Variants in SLITRK6 observed in about 807,000 individuals in gnomAD.
The protein encoded by SLITRK6 is SLIT and NTRK like family member 6, also known as SLIT and NTRK-like protein 6.
In SLITRK6, 35 loss-of-function variants were observed where a neutral mutation model predicts 55.6. The ratio of observed to expected loss-of-function variants is 0.63; its 90% confidence interval spans 0.48 to 0.83. The LOEUF is 0.83. Ranked by LOEUF, SLITRK6 falls within the 40% of genes least tolerant of loss-of-function variation. The pLI, the probability that SLITRK6 is intolerant of heterozygous loss-of-function variation, is 0.00. For missense variants in SLITRK6, 977 were observed against 986.4 expected (o/e 0.99, Z 0.13); for synonymous variants, 392 against 359.6 (o/e 1.09, Z -1.02).
In SLITRK6 at chr13:85,794,963, C is replaced by T. The variant is rs1593962037; in HGVS notation, c.1546G>A (p.Asp516Asn). 1.9e-6 allele frequency: 3 copies of T among 1,613,050 alleles called. No homozygotes were observed. The highest frequency in any genetic ancestry group is 1.7e-4 in the Middle Eastern group (1 of 6,058). Residue 516 changes from aspartate (D) to asparagine (N), a missense_variant, in exon 2 of 2, where the codon GAT (aspartate) becomes AAT (asparagine). Transcript: ENST00000647374. ...LDLLTQIDLEDNPWDCSCDLV... is the reference protein window; with the variant it reads ...LDLLTQIDLENNPWDCSCDLV... ...TCACAGGAGCAGTCCCAGGGGTTAT[C>T]CTCAAGGTCAATCTGGGTTAGCAAA...
Position 85,793,124 on chromosome 13 carries a change from A to G in SLITRK6, c.*859T>C, listed in dbSNP as rs1420142969. 2 of 152,298 alleles carry G rather than the reference A, an allele frequency of 1.3e-5. No homozygotes were observed. The highest frequency in any genetic ancestry group is 2.9e-5 in the Non-Finnish European group (2 of 67,898). 9.4% of individuals were successfully genotyped at this position (152,298 alleles called of 1,614,324 possible). A position where few individuals can be genotyped will look rare whatever the true frequency, so the allele number is the denominator to read the frequency against. ...TTATGGTCATTCAGATTTACAAAGA[A>G]TTAAGCCTATGAAATAAAGCAAACC... On this transcript the variant is annotated 3_prime_UTR_variant, in exon 2 of 2. Coordinates refer to ENST00000647374, the MANE Select transcript of SLITRK6 (RefSeq NM_032229.3).
rs1294441766 is a variant in SLITRK6, at chr13:85,793,848, TTC to T, written c.*133_*134del. ...GTGATCCCTGAGTTTCTTTTTCTTC[TTC>T]TTTTTTTTTCCCCATAGTTTACTGC... On this transcript the variant is annotated 3_prime_UTR_variant, in exon 2 of 2. Transcript: ENST00000647374. 1.9e-6 allele frequency: 2 copies of T among 1,052,148 alleles called. No homozygotes were observed. The highest frequency in any genetic ancestry group is 3.3e-5 in the African/African-American group (2 of 60,708). 65.2% of individuals were successfully genotyped at this position (1,052,148 alleles called of 1,614,324 possible). A position where few individuals can be genotyped will look rare whatever the true frequency, so the allele number is the denominator to read the frequency against.
At position 85,796,238 on chromosome 13, in the gene SLITRK6, T is replaced by A; in HGVS notation, c.271A>T (p.Ile91Phe). Residue 91 changes from isoleucine (I) to phenylalanine (F), a missense_variant, in exon 2 of 2, where the codon ATT (isoleucine) becomes TTT (phenylalanine). Transcript: ENST00000647374. ...TTGTTAAATCCAAGGTGTATTGAAA[T>A]AGCATTGGTAAGCCCAGAAAAGTCA... ...TNDFSGLTNA[I>F]SIHLGFNNIA... 1 of 1,612,974 alleles carries A rather than the reference T, an allele frequency of 6.2e-7. No homozygotes were observed. The highest frequency in any genetic ancestry group is 8.5e-7 in the Non-Finnish European group (1 of 1,179,412).
Position 85,794,512 on chromosome 13 carries a change from G to C in SLITRK6, c.1997C>G (p.Thr666Ser), listed in dbSNP as rs746347881. 4 of 1,613,146 alleles carry C rather than the reference G, an allele frequency of 2.5e-6. No individual in the cohort carries two copies. In the African/African-American group the frequency reaches 5.3e-5, roughly 22 times the overall value. The change falls in exon 2 of 2, where the codon ACT becomes AGT. Residue 666 changes from threonine to serine, a missense_variant. Coordinates refer to ENST00000647374, the MANE Select transcript of SLITRK6 (RefSeq NM_032229.3). ...AGAGGGTCTTTCAGTAGTGTGATGA[G>C]TGGTTTTATGGCCATACATGCTGTA... ...LQYSMYGHKT[T>S]HHTTERPSAS... is the part of the protein sequence containing the mutation.
Position 85,794,703 on chromosome 13 carries a change from C to T in SLITRK6, c.1806G>A (p.Thr602=), listed in dbSNP as rs375333967. Residue 602 remains threonine, a synonymous_variant, in exon 2 of 2, where the codon ACG becomes ACA. Transcript: ENST00000647374. The part of the protein sequence containing the change: ...NTADTILRSL[T]DAVPLSVLIL... ...TTAGAACAGACAGTGGCACAGCGTC[C>T]GTAAGAGATCGTAAAATAGTATCAG... 4.1e-5 allele frequency: 66 copies of T among 1,612,990 alleles called. 1 individual carries two copies. Among genetic ancestry groups the T allele is most frequent in the Middle Eastern group, 3.3e-4 (2 of 6,076 alleles).
rs772540588 is a variant in SLITRK6, at chr13:85,795,399, T to C, written c.1110A>G (p.Leu370=). 9.3e-6 allele frequency: 15 copies of C among 1,612,888 alleles called. No homozygotes were observed. Among genetic ancestry groups the C allele is most frequent in the Non-Finnish European group, 1.1e-5 (13 of 1,179,376 alleles). The part of the protein sequence containing the change: ...PPPQNPRKLI[L]AGNIIHSLMK... Reference sequence around the variant, plus strand: ...TTAAACTGTGAATAATATTTCCCGCTAGAATGAGCTTTCTAGGATTTTGCG... The same window carrying C: ...TTAAACTGTGAATAATATTTCCCGCCAGAATGAGCTTTCTAGGATTTTGCG... Residue 370 remains leucine, a synonymous_variant, in exon 2 of 2, where the codon CTA becomes CTG. Transcript: ENST00000647374.
rs2137170255 is a variant in SLITRK6, at chr13:85,796,202, T to C, written c.307A>G (p.Ile103Val). Reference sequence around the variant, plus strand: ...AGGCCATTAAATGCACCTATCTCAATATCTGCAATATTGTTAAATCCAAGG... The same window carrying C: ...AGGCCATTAAATGCACCTATCTCAACATCTGCAATATTGTTAAATCCAAGG... ...IHLGFNNIAD[I>V]EIGAFNGLGL... Residue 103 changes from isoleucine (I) to valine (V), a missense_variant, in exon 2 of 2, where the codon ATT becomes GTT. By Grantham distance (29) the Ile-to-Val change is conservative (BLOSUM62 3). Coordinates refer to ENST00000647374, the MANE Select transcript of SLITRK6 (RefSeq NM_032229.3). 6.2e-7 allele frequency: 1 copy of C among 1,613,106 alleles called. No homozygotes were observed. The highest frequency in any genetic ancestry group is 2.2e-5 in the East Asian group (1 of 44,840).
rs1178008267 is a variant in SLITRK6 at position 85,793,770 on chromosome 13, A to G, written c.*213T>C. On this transcript the variant is annotated 3_prime_UTR_variant, in exon 2 of 2. Transcript: ENST00000647374. ...TTGAATGATTTACATGCAAGGATTT[A>G]TTTTATTTGGGACAGACTAAATTGC... 2.2e-6 allele frequency: 1 copy of G among 463,938 alleles called. No individual in the cohort carries two copies. Among genetic ancestry groups the G allele is most frequent in the African/African-American group, 2.0e-5 (1 of 49,602 alleles). 28.7% of individuals were successfully genotyped at this position (463,938 alleles called of 1,614,324 possible).
rs1874719439 is a variant in SLITRK6 at position 85,796,290 on chromosome 13, A to G, written c.219T>C (p.Asn73=). 1 of 1,611,902 alleles carries G rather than the reference A, an allele frequency of 6.2e-7. No homozygotes were observed. Among genetic ancestry groups the G allele is most frequent in the Non-Finnish European group, 8.5e-7 (1 of 1,178,854 alleles). ...PSRPFQLSLL[N]NGLTMLHTND... Reference sequence around the variant, plus strand: ...TTGTGTGAAGCATCGTCAAGCCGTTATTTAATAAGCTTAGTTGGAAAGGTC... The same window carrying G: ...TTGTGTGAAGCATCGTCAAGCCGTTGTTTAATAAGCTTAGTTGGAAAGGTC... The change falls in exon 2 of 2, where the codon AAT becomes AAC. Residue 73 remains asparagine (N), a synonymous_variant. Coordinates refer to ENST00000647374, the MANE Select transcript of SLITRK6 (RefSeq NM_032229.3).
Position 85,796,272 on chromosome 13 carries a change from A to C in SLITRK6, c.237T>G (p.Leu79=). ...LSLLNNGLTM[L]HTNDFSGLTN... The stretch of plus-strand genomic sequence containing the variant: ...TAAGCCCAGAAAAGTCATTTGTGTG[A>C]AGCATCGTCAAGCCGTTATTTAATA... The change falls in exon 2 of 2, where the codon CTT becomes CTG. Residue 79 remains leucine (L), a synonymous_variant. Coordinates refer to ENST00000647374, the MANE Select transcript of SLITRK6 (RefSeq NM_032229.3). 6.2e-7 allele frequency: 1 copy of C among 1,612,104 alleles called. No homozygotes were observed. The highest frequency in any genetic ancestry group is 1.1e-5 in the South Asian group (1 of 90,850).
chr13:85,795,843 G>T lies in SLITRK6; in HGVS notation c.666C>A (p.Cys222Ter). The T allele has an allele frequency of 6.2e-7, 1 of 1,612,976 alleles. No individual in the cohort carries two copies. The highest frequency in any genetic ancestry group is 8.5e-7 in the Non-Finnish European group (1 of 1,179,436). The change falls in exon 2 of 2, where the codon TGC (cysteine) becomes TGA (stop). Residue 222 changes from cysteine (C) to a stop codon, truncating the protein, a stop_gained. Coordinates refer to ENST00000647374, the MANE Select transcript of SLITRK6 (RefSeq NM_032229.3). LOFTEE classifies it high-confidence loss of function. ...DLQLEDNKWA[C>*]NCDLLQLKTW... is the part of the protein sequence containing the mutation. Reference sequence around the variant, plus strand: ...TTTTTAACTGCAATAAGTCACAATTGCAGGCCCATTTGTTGTCCTCCAACT... The same window carrying T: ...TTTTTAACTGCAATAAGTCACAATTTCAGGCCCATTTGTTGTCCTCCAACT...
Position 85,795,243 on chromosome 13 carries a change from G to A in SLITRK6, c.1266C>T (p.His422=), listed in dbSNP as rs1874673649. 6.2e-7 allele frequency: 1 copy of A among 1,612,688 alleles called. No individual in the cohort carries two copies. Among genetic ancestry groups the A allele is most frequent in the Non-Finnish European group, 8.5e-7 (1 of 1,179,324 alleles). ...ACATGCCTTTACTTAATTTGGTCAG[G>A]TGGTTACCATTTAGATAGAGTTTTT... ...RLQKLYLNGN[H]LTKLSKGMFL... Residue 422 remains histidine (H), a synonymous_variant, in exon 2 of 2, where the codon CAC becomes CAT. Transcript: ENST00000647374.
At position 85,795,151 on chromosome 13, in the gene SLITRK6, C is replaced by G; in HGVS notation, c.1358G>C (p.Gly453Ala). ...AAGTTTAGGCATTGGATTAAAGGTT[C>G]CTGGCAGTATTTCCTTAATGGCATT... The part of the protein sequence containing the change: ...EYNAIKEILP[G>A]TFNPMPKLKV... The change falls in exon 2 of 2, where the codon GGA becomes GCA. Residue 453 changes from glycine (G) to alanine (A), a missense_variant. Transcript: ENST00000647374. The G allele has an allele frequency of 6.2e-7, 1 of 1,612,918 alleles. No homozygotes were observed. Among genetic ancestry groups the G allele is most frequent in the Non-Finnish European group, 8.5e-7 (1 of 1,179,380 alleles).
chr13:85,796,596 AT>A, intron 1 of SLITRK6, 64 bp from the exon 2 acceptor site: 1 of 1,291,896 alleles, frequency 7.7e-7, no homozygotes, highest in South Asian at 2.4e-5. Context: ...GATGAAGCTG[AT>A]ATTTTCAAAA....
In SLITRK6 at chr13:85,795,702, A is replaced by T. The variant is rs1874697263; in HGVS notation, c.807T>A (p.Thr269=). The T allele has an allele frequency of 6.2e-7, 1 of 1,612,988 alleles. No homozygotes were observed. The highest frequency in any genetic ancestry group is 8.5e-7 in the Non-Finnish European group (1 of 1,179,392). The change falls in exon 2 of 2, where the codon ACT becomes ACA. Residue 269 remains threonine, a synonymous_variant. Coordinates refer to ENST00000647374, the MANE Select transcript of SLITRK6 (RefSeq NM_032229.3). ...SRLKKESICP[T]PPVYEEHEDP... is the part of the protein sequence containing the mutation. ...CCTCATGTTCTTCATACACTGGTGG[A>T]GTAGGGCAAATAGATTCCTTCTTTA...
chr13:85,796,057 A>G lies in SLITRK6; in HGVS notation c.452T>C (p.Ile151Thr), dbSNP rs1164430217. 2 of 1,613,006 alleles carry G rather than the reference A, an allele frequency of 1.2e-6. No homozygotes were observed. The highest frequency in any genetic ancestry group is 1.7e-6 in the Non-Finnish European group (2 of 1,179,492). The change falls in exon 2 of 2, where the codon ATT (isoleucine) becomes ACT (threonine). Residue 151 changes from isoleucine (I) to threonine (T), a missense_variant. By Grantham distance (89) the Ile-to-Thr change is moderately conservative. Coordinates refer to ENST00000647374, the MANE Select transcript of SLITRK6 (RefSeq NM_032229.3). Reference sequence around the variant, plus strand: ...GAGCTTGCTAAAGGCACTTGGTTCAATCACTGTGATAAAATTGTTATCTGC... The same window carrying G: ...GAGCTTGCTAAAGGCACTTGGTTCAGTCACTGTGATAAAATTGTTATCTGC... ...LQADNNFITV[I>T]EPSAFSKLNR...
At position 85,794,994 on chromosome 13, in the gene SLITRK6, A is replaced by T. The variant is rs1459087189; in HGVS notation, c.1515T>A (p.Asp505Glu). Residue 505 changes from aspartate to glutamate, a missense_variant, in exon 2 of 2, where the codon GAT (aspartate) becomes GAA (glutamate). Coordinates refer to ENST00000647374, the MANE Select transcript of SLITRK6 (RefSeq NM_032229.3). ...THLPVSNILD[D>E]LDLLTQIDLE... is the part of the protein sequence containing the mutation. ...GGTCAATCTGGGTTAGCAAATCAAG[A>T]TCATCCAAAATATTACTTACAGGTA... 12 of 1,613,080 alleles carry T rather than the reference A, an allele frequency of 7.4e-6. No individual in the cohort carries two copies. In the Middle Eastern group the frequency reaches 5.0e-4, roughly 67 times the overall value.
Position 85,794,474 on chromosome 13 carries a change from C to G in SLITRK6, c.2035G>C (p.Glu679Gln). 6.2e-7 allele frequency: 1 copy of G among 1,613,344 alleles called. No homozygotes were observed. The highest frequency in any genetic ancestry group is 8.5e-7 in the Non-Finnish European group (1 of 1,179,538). Residue 679 changes from glutamate (E) to glutamine (Q), a missense_variant, in exon 2 of 2, where the codon GAA becomes CAA. Physicochemically the swap from Glu to Gln is conservative, Grantham distance 29 (BLOSUM62 2). Transcript: ENST00000647374. Reference sequence around the variant, plus strand: ...ACCATGGGGCTCACCATGTGCTGTTCATAGAGTGAGGCAGAGGGTCTTTCA... The same window carrying G: ...ACCATGGGGCTCACCATGTGCTGTTGATAGAGTGAGGCAGAGGGTCTTTCA... ...TTERPSASLY[E>Q]QHMVSPMVHV...
Position 85,796,484 on chromosome 13 carries a change from A to G in SLITRK6, c.25T>C (p.Tyr9His). 1 of 1,554,944 alleles carries G rather than the reference A, an allele frequency of 6.4e-7. No individual in the cohort carries two copies. The highest frequency in any genetic ancestry group is 1.2e-5 in the South Asian group (1 of 81,040). The change falls in exon 2 of 2, where the codon TAT (tyrosine) becomes CAT (histidine). Residue 9 changes from tyrosine (Y) to histidine (H), a missense_variant. Coordinates refer to ENST00000647374, the MANE Select transcript of SLITRK6 (RefSeq NM_032229.3). ...GATATACAGGCAAGGAGAGATGAAT[A>G]AAAGAGATGAATCCACAGCTTCATG... MKLWIHLF[Y>H]SSLLACISLH... is the part of the protein sequence containing the mutation.
Sources: gnomAD v4.1 joint callset for allele counts on GRCh38, gnomAD v4.1.1 for gene constraint, MANE v1.5 for transcripts, NCBI Gene and HGNC (gene_info 2026-07-23, HGNC 2026-07-21) for gene names.